Variants in DOCK9 observed in about 807,000 individuals in gnomAD.
DOCK9 encodes the protein dedicator of cytokinesis 9, also known as dedicator of cytokinesis protein 9.
DOCK9 carries 89 observed loss-of-function variants against 263.3 expected under a neutral mutation model. The observed-to-expected ratio is 0.34, with a 90% CI of 0.28 to 0.40. The LOEUF is 0.40. Among genes scored for constraint, DOCK9 ranks in the 10% least tolerant of loss-of-function variants. DOCK9 has a pLI of 1.00. For synonymous variants in DOCK9, 976 were observed against 973.1 expected (o/e 1.00, Z -0.06); for missense variants, 2,140 against 2,603.4 (o/e 0.82, Z 3.87).
intron 1 of DOCK9, among the ~76,000 whole-genome samples, chr13:99,062,397 A>T (rs757280862): frequency 2.0e-5 from 3 of 152,162 alleles, no homozygotes; most frequent in Non-Finnish European, 4.4e-5. Flanking sequence ...AAACCCACCA[A>T]TCTATTTCGT....
upstream of DOCK9, chr13:99,088,326 G>T (rs1035582613): frequency 1.3e-5 from 2 of 152,226 alleles, no homozygotes; most frequent in East Asian, 1.9e-4. Context: ...GACAGAGCAG[G>T]TGCAAGCCGG....
intron 2 of DOCK9, among the ~76,000 whole-genome samples, chr13:98,943,267 T>C (rs2056230198): frequency 6.6e-6 from 1 of 152,252 alleles, no homozygotes; most frequent in South Asian, 2.1e-4. Context: ...TCAGGGGACT[T>C]TGATAAACTT....
chr13:98,859,457 TCTA>T (rs1399634098), intron 33 of DOCK9: 1 of 152,138 alleles, frequency 6.6e-6, no homozygotes, highest in Non-Finnish European at 1.5e-5. Flanking sequence ...CATGTTAAAT[TCTA>T]CCCAGTTTCA....
At chr13:98,889,016 C>T (rs2390140) in intron 15 of DOCK9, among the ~76,000 whole-genome samples, 80,743 of 152,082 alleles carry the variant, frequency 0.53, 21,953 homozygotes, top group Middle Eastern at 0.61. Flanking sequence ...TCAATTCAGA[C>T]GTCCTGTATT....
upstream of DOCK9, among the ~76,000 whole-genome samples, chr13:99,087,448 C>T (rs1210920296): frequency 6.6e-6 from 1 of 152,242 alleles, no homozygotes; most frequent in Non-Finnish European, 1.5e-5. Context: ...CGGTCTGCCG[C>T]CCCTCCGCGC....
At chr13:98,964,230 A>G (rs17784402) in intron 1 of DOCK9, among the ~76,000 whole-genome samples, 51,176 of 152,074 alleles carry the variant, frequency 0.34, 8,689 homozygotes, top group Middle Eastern at 0.51. Context: ...AAGGAACCCA[A>G]CCTTTGCCCA....
intron 27 of DOCK9, 49 bp downstream of exon 27, chr13:98,879,849 G>C: frequency 5.4e-6 from 8 of 1,487,406 alleles, no homozygotes; most frequent in South Asian, 1.2e-5. Flanking sequence ...AGCAATGAAA[G>C]AGATTTCTTT....
intron 35 of DOCK9, among the ~76,000 whole-genome samples, chr13:98,852,707 C>T (rs2093607235): frequency 2.0e-5 from 3 of 152,130 alleles, no homozygotes; most frequent in Admixed American, 6.5e-5. Context: ...ATAAGAACTG[C>T]GACATTGTTT....
Position 98,902,312 on chromosome 13 carries a change from T to C in DOCK9, c.1356A>G (p.Glu452=). The part of the protein sequence containing the change: ...SPSVLKGILH[E]AAMQYPKQGI... ...CCTGCTTCGGATACTGCATGGCGGC[T>C]TCATGAAGGATGCCCTTGAGGACAG... The change falls in exon 12 of 53, where the codon GAA becomes GAG. Residue 452 remains glutamate, a synonymous_variant. Transcript: ENST00000682017. 5 of 1,613,954 alleles carry C rather than the reference T, an allele frequency of 3.1e-6. No homozygotes were observed. Among genetic ancestry groups the C allele is most frequent in the Non-Finnish European group, 4.2e-6 (5 of 1,179,874 alleles).
intron 1 of DOCK9, among the ~76,000 whole-genome samples, chr13:99,001,572 C>G (rs1882308483): frequency 6.6e-6 from 1 of 152,218 alleles, no homozygotes; most frequent in Non-Finnish European, 1.5e-5. Context: ...ATGGGTCTTT[C>G]CAGACATCAC....
intron 35 of DOCK9, among the ~76,000 whole-genome samples, chr13:98,850,789 G>A (rs1415843385): frequency 6.6e-6 from 1 of 152,130 alleles, no homozygotes; most frequent in African/African-American, 2.4e-5. Flanking sequence ...TGTACCCAAT[G>A]GTATGTGCAT....
At chr13:99,075,807 T>C (rs1180554529) in intron 1 of DOCK9, among the ~76,000 whole-genome samples, 1 of 152,168 alleles carries the variant, frequency 6.6e-6, no homozygotes, top group Non-Finnish European at 1.5e-5. Context: ...TCAATTTGAA[T>C]CTCAATCTAT....
At chr13:98,975,148 G>A (rs2060114755) in intron 1 of DOCK9, among the ~76,000 whole-genome samples, 1 of 152,186 alleles carries the variant, frequency 6.6e-6, no homozygotes, top group Admixed American at 6.5e-5. Flanking sequence ...GGAAGCCGAG[G>A]CGGGCGGATC....
At chr13:99,061,530 G>A (rs1036349811) in intron 1 of DOCK9, among the ~76,000 whole-genome samples, 1 of 152,112 alleles carries the variant, frequency 6.6e-6, no homozygotes, top group Admixed American at 6.5e-5. Context: ...AGCAAATCTG[G>A]AATGATCAGG....
intron 45 of DOCK9, among the ~76,000 whole-genome samples, chr13:98,819,375 C>T (rs2092118067): frequency 1.3e-5 from 2 of 152,284 alleles, no homozygotes; most frequent in South Asian, 4.1e-4. Flanking sequence ...CTAGAAATTT[C>T]CAAGTCATGA....
intron 44 of DOCK9, 59 bp downstream of exon 44, chr13:98,826,771 T>C: frequency 7.3e-7 from 1 of 1,375,804 alleles, no homozygotes; most frequent in South Asian, 1.3e-5. Flanking sequence ...CTCACTTGTC[T>C]GCTGCTTTGT....
intron 5 of DOCK9, among the ~76,000 whole-genome samples, chr13:98,922,635 G>A (rs1176816616): frequency 6.6e-6 from 1 of 152,198 alleles, no homozygotes; most frequent in African/African-American, 2.4e-5. Context: ...AAAGTGATGG[G>A]GGGAATAAAA....
intron 1 of DOCK9, among the ~76,000 whole-genome samples, chr13:98,961,058 G>A (rs1211469760): frequency 2.6e-5 from 4 of 152,200 alleles, no homozygotes; most frequent in African/African-American, 9.7e-5. Context: ...TAGTGGAAGA[G>A]CCAGGCCTGT....
At chr13:98,863,623 CAAAA>C in intron 30 of DOCK9, 75 bp from the exon 31 acceptor site, 1 of 1,440,156 alleles carries the variant, frequency 6.9e-7, no homozygotes, top group East Asian at 2.4e-5. Flanking sequence ...AACAAACAAA[CAAAA>C]AAAACTAAGA....
Sources: allele counts gnomAD v4.1 joint callset (sites outside exome capture counted in the v4.1 genomes callset), GRCh38; gene constraint gnomAD v4.1.1; transcripts MANE v1.5; gene names NCBI Gene and HGNC (gene_info 2026-07-23, HGNC 2026-07-21).